Variants in PCSK2 observed in about 807,000 individuals in gnomAD.
PCSK2 encodes the protein proprotein convertase subtilisin/kexin type 2, also known as neuroendocrine convertase 2.
Under a neutral mutation model 69.7 loss-of-function variants are expected in PCSK2, and 14 were observed. That is an observed-to-expected ratio of 0.20 (90% confidence interval 0.13 to 0.31). The LOEUF (loss-of-function observed/expected upper bound fraction) is 0.31, where lower values mean the gene tolerates loss of function less well. Ranked by LOEUF, PCSK2 falls within the 10% of genes least tolerant of loss-of-function variation. The pLI is 1.00. For missense variants in PCSK2, 544 were observed against 842.5 expected (o/e 0.65, Z 4.39); for synonymous variants, 307 against 320.7 (o/e 0.96, Z 0.46).
intron 7 of PCSK2, among the ~76,000 whole-genome samples, 161 bp from the exon 8 acceptor site, chr20:17,436,547 C>T (rs988878130): frequency 3.9e-5 from 6 of 152,196 alleles, no homozygotes; most frequent in Admixed American, 1.3e-4. Flanking sequence ...CCAGTAGGAC[C>T]GTCTGTGCCT....
chr20:17,257,969 A>T lies in PCSK2; in HGVS notation c.178-2271A>T, dbSNP rs572896118. On this transcript the variant is annotated intron_variant, in intron 1 of 11. Transcript: ENST00000262545. ...ACTTCAGGAAATTGCAACCTTAAAA[A>T]TTTGCCACTGATTATTTTTGACAAA... Among the ~76,000 whole-genome samples, 1,001 of 152,320 alleles carry T rather than the reference A, an allele frequency of 6.6e-3. 3 individuals carry two copies. The highest frequency in any genetic ancestry group is 9.9e-3 in the Non-Finnish European group (673 of 68,016).
chr20:17,263,368 T>G (rs1987466947), intron 2 of PCSK2, among the ~76,000 whole-genome samples: 1 of 152,250 alleles, frequency 6.6e-6, no homozygotes, highest in South Asian at 2.1e-4. Flanking sequence ...AGATGTTCGC[T>G]TCTCTTTCCA....
In PCSK2 at chr20:17,483,485, T is replaced by C. The variant is rs1484416901; in HGVS notation, c.*1415T>C. 1.3e-5 allele frequency: 2 copies of C among 152,222 alleles called. No individual in the cohort carries two copies. Among genetic ancestry groups the C allele is most frequent in the Non-Finnish European group, 2.9e-5 (2 of 68,052 alleles). 9.4% of individuals were successfully genotyped at this position (152,222 alleles called of 1,614,324 possible). ...CATCCCCAGTCCCAATGCACATCCA[T>C]TCCCAAGAAATGCTTTGTCTTCAGC... On this transcript the variant is annotated 3_prime_UTR_variant, in exon 12 of 12. Transcript: ENST00000262545.
At chr20:17,249,098 G>T (rs1316880170) in intron 1 of PCSK2, among the ~76,000 whole-genome samples, 1 of 152,204 alleles carries the variant, frequency 6.6e-6, no homozygotes, top group Non-Finnish European at 1.5e-5. Flanking sequence ...GCAGGGGTAG[G>T]TGGGTTCTGA....
At chr20:17,393,789 A>G (rs1028377576) in intron 5 of PCSK2, among the ~76,000 whole-genome samples, 1 of 152,216 alleles carries the variant, frequency 6.6e-6, no homozygotes, top group African/African-American at 2.4e-5. Flanking sequence ...TAAAATGTGT[A>G]AATAATGCTG....
intron 2 of PCSK2, among the ~76,000 whole-genome samples, chr20:17,356,228 G>A (rs73098521): frequency 0.17 from 26,256 of 151,768 alleles, 2,846 homozygotes; most frequent in Non-Finnish European, 0.25. Context: ...AATTTTTGCC[G>A]TTATAAAAAT....
chr20:17,258,828 C>T (rs1987273639), intron 1 of PCSK2, among the ~76,000 whole-genome samples: 1 of 150,666 alleles, frequency 6.6e-6, no homozygotes, highest in Non-Finnish European at 1.5e-5. Flanking sequence ...AAAACTCACT[C>T]ATTTGACTAT....
chr20:17,260,536 G>A (rs909669433), intron 2 of PCSK2, among the ~76,000 whole-genome samples, 192 bp downstream of exon 2: 47 of 152,280 alleles, frequency 3.1e-4, no homozygotes, highest in African/African-American at 1.1e-3. Flanking sequence ...ATAATCACAG[G>A]CCCCTTTGTA....
chr20:17,468,054 ATAGGTAAG>A (rs2033131607), intron 11 of PCSK2, among the ~76,000 whole-genome samples: 2 of 126,826 alleles, frequency 1.6e-5, no homozygotes, highest in South Asian at 5.9e-4. Context: ...GCTGCCTACC[ATAGGTAAG>A]CATCCTCCCA....
At chr20:17,463,553 C>G (rs985015954) in intron 10 of PCSK2, 5 of 151,214 alleles carry the variant, frequency 3.3e-5, no homozygotes, top group African/African-American at 1.2e-4. Context: ...TACATGTGCA[C>G]AATGTGCAGG....
At chr20:17,293,598 G>T (rs918985675) in intron 2 of PCSK2, among the ~76,000 whole-genome samples, 1 of 151,924 alleles carries the variant, frequency 6.6e-6, no homozygotes, top group Admixed American at 6.6e-5. Flanking sequence ...TTCTTTTAAC[G>T]AATTAATTTA....
chr20:17,483,515 C>T lies in PCSK2; in HGVS notation c.*1445C>T, dbSNP rs899364322. 6.6e-6 allele frequency: 1 copy of T among 152,262 alleles called. No homozygotes were observed. The highest frequency in any genetic ancestry group is 1.5e-5 in the Non-Finnish European group (1 of 68,076). 9.4% of individuals were successfully genotyped at this position (152,262 alleles called of 1,614,324 possible). The stretch of plus-strand genomic sequence containing the variant: ...AAGAAATGCTTTGTCTTCAGCCTCT[C>T]CAGGCACCATCTCCCTTCCTGTGGG... On this transcript the variant is annotated 3_prime_UTR_variant, in exon 12 of 12. Coordinates refer to ENST00000262545, the MANE Select transcript of PCSK2 (RefSeq NM_002594.5).
At chr20:17,263,815 G>A (rs1022433088) in intron 2 of PCSK2, among the ~76,000 whole-genome samples, 1 of 152,114 alleles carries the variant, frequency 6.6e-6, no homozygotes, top group East Asian at 1.9e-4. Flanking sequence ...GCACCAAAGC[G>A]GGACAATGTG....
At chr20:17,320,583 A>C (rs1324296431) in intron 2 of PCSK2, among the ~76,000 whole-genome samples, 1 of 152,210 alleles carries the variant, frequency 6.6e-6, no homozygotes, top group Non-Finnish European at 1.5e-5. Flanking sequence ...GGCAACTGGG[A>C]CTCAGGCTTG....
intron 11 of PCSK2, among the ~76,000 whole-genome samples, 171 bp from the exon 12 acceptor site, chr20:17,481,413 A>AAAGAG (rs113487407): frequency 0.028 from 3,238 of 115,756 alleles, 525 homozygotes; most frequent in African/African-American, 0.1. Context: ...AAAAAAAAAA[A>AAAGAG]AGAGATAAGT....
chr20:17,289,513 T>TTA (rs1281931763), intron 2 of PCSK2, among the ~76,000 whole-genome samples: 2 of 152,226 alleles, frequency 1.3e-5, no homozygotes, highest in African/African-American at 4.8e-5. Flanking sequence ...TATAGTTTAT[T>TTA]AATTTTTAAA....
intron 8 of PCSK2, among the ~76,000 whole-genome samples, chr20:17,447,992 T>C (rs1187776697): frequency 6.6e-6 from 1 of 152,234 alleles, no homozygotes; most frequent in South Asian, 2.1e-4. Flanking sequence ...TATCTATTCA[T>C]GTAAGATTAT....
chr20:17,441,186 G>A (rs958893606), intron 8 of PCSK2, among the ~76,000 whole-genome samples: 2 of 152,166 alleles, frequency 1.3e-5, no homozygotes, highest in African/African-American at 4.8e-5. Flanking sequence ...CTCTGCTCCA[G>A]CTGCCACCTG....
intron 2 of PCSK2, among the ~76,000 whole-genome samples, chr20:17,347,894 AAG>A (rs1990713664): frequency 4.1e-5 from 1 of 24,564 alleles, no homozygotes; most frequent in Non-Finnish European, 1.0e-4. Flanking sequence ...GAAAGAAAGA[AAG>A]AAAGAAAGAA....
Sources: allele counts gnomAD v4.1 joint callset (sites outside exome capture counted in the v4.1 genomes callset), GRCh38; gene constraint gnomAD v4.1.1; transcripts MANE v1.5; gene names NCBI Gene and HGNC (gene_info 2026-07-23, HGNC 2026-07-21).